Variants in GRIA4 observed in about 807,000 individuals in gnomAD.
GRIA4 encodes the protein glutamate receptor 4.
A neutral mutation model predicts 104.0 loss-of-function variants in GRIA4; 34 were observed. The ratio of observed to expected loss-of-function variants is 0.33; its 90% CI spans 0.25 to 0.44. The LOEUF (loss-of-function observed/expected upper bound fraction) is 0.44. Ranked by LOEUF, GRIA4 falls within the 20% of genes least tolerant of loss-of-function variation. The probability of loss-of-function intolerance (pLI) is 1.00; values close to 1 mark genes in which losing one functional copy is unlikely to be tolerated. For missense variants in GRIA4, 750 were observed against 1,096.5 expected, an observed-to-expected ratio of 0.68 and a Z score of 4.46; for synonymous variants, 386 against 381.9, an observed-to-expected ratio of 1.01 and a Z score of -0.13.
intron 3 of GRIA4, among the ~76,000 whole-genome samples, chr11:105,751,514 C>T (rs1408878863): frequency 6.6e-6 from 1 of 152,170 alleles, no homozygotes; most frequent in Non-Finnish European, 1.5e-5. Context: ...GCAAGACTTC[C>T]ATGTTGGTCA....
intron 3 of GRIA4, among the ~76,000 whole-genome samples, chr11:105,674,255 A>C (rs1952465506): frequency 6.6e-6 from 1 of 152,002 alleles, no homozygotes; most frequent in Admixed American, 6.6e-5. Flanking sequence ...TTTACCATGC[A>C]AGTAAATCAA....
chr11:105,978,907 T>C (rs891015876), intron 16 of GRIA4, among the ~76,000 whole-genome samples: 5 of 152,172 alleles, frequency 3.3e-5, no homozygotes, highest in Non-Finnish European at 7.4e-5. Flanking sequence ...ATATGGGAGG[T>C]TCCCCAGTCA....
intron 5 of GRIA4, among the ~76,000 whole-genome samples, chr11:105,883,636 A>G (rs1177857671): frequency 6.6e-6 from 1 of 152,070 alleles, no homozygotes; most frequent in Non-Finnish European, 1.5e-5. Flanking sequence ...ATAGTATTCC[A>G]TGGTGTATAT....
chr11:105,754,219 A>AG (rs779795400), intron 4 of GRIA4, among the ~76,000 whole-genome samples: 2 of 152,104 alleles, frequency 1.3e-5, no homozygotes, highest in Non-Finnish European at 2.9e-5. Flanking sequence ...TAGAAATTCC[A>AG]GGGGGTTTAG....
rs773898463 is a variant in GRIA4 at position 105,918,806 on chromosome 11, C to T, written c.1364C>T (p.Ala455Val). Reference sequence around the variant, plus strand: ...TGTGTAGATTTGGCATCTGAAATTGCAAAACATATTGGTATCAAGTATAAA... The same window carrying T: ...TGTGTAGATTTGGCATCTGAAATTGTAAAACATATTGGTATCAAGTATAAA... ...GYCVDLASEI[A>V]KHIGIKYKIA... is the part of the protein sequence containing the mutation. Residue 455 changes from alanine to valine, a missense_variant, in exon 11 of 17, where the codon GCA (alanine) becomes GTA (valine). Physicochemically the swap from Ala to Val is moderately conservative, Grantham distance 64. Transcript: ENST00000282499. 1 of 1,595,924 alleles carries T rather than the reference C, an allele frequency of 6.3e-7. No homozygotes were observed. The highest frequency in any genetic ancestry group is 8.6e-7 in the Non-Finnish European group (1 of 1,165,588).
rs1207851575 is a variant in GRIA4, at chr11:105,610,223, C to G, written c.-296C>G. 6.6e-6 allele frequency: 1 copy of G among 152,446 alleles called. No homozygotes were observed. The highest frequency in any genetic ancestry group is 1.9e-4 in the East Asian group (1 of 5,190). 9.4% of individuals were successfully genotyped at this position (152,446 alleles called of 1,614,324 possible). ...GGAGCCCCCGATTGGGGCTTGCAGA[C>G]CTGGCCCGTGGGCGGATTTTCTGCC... On this transcript the variant is annotated 5_prime_UTR_variant, in exon 1 of 17. Transcript: ENST00000282499.
chr11:105,811,737 AAATT>A (rs1457228128), intron 4 of GRIA4, among the ~76,000 whole-genome samples: 6 of 152,338 alleles, frequency 3.9e-5, no homozygotes, highest in African/African-American at 1.2e-4. Context: ...TCTGAAATTC[AAATT>A]CACCTGAGCA....
At chr11:105,942,580 A>C (rs895759024) in intron 14 of GRIA4, among the ~76,000 whole-genome samples, 26 of 152,164 alleles carry the variant, frequency 1.7e-4, no homozygotes, top group African/African-American at 6.3e-4. Flanking sequence ...CCTACAGCTA[A>C]GACTAGAAAT....
chr11:105,633,425 C>T (rs1277514218), intron 3 of GRIA4, among the ~76,000 whole-genome samples: 1 of 152,122 alleles, frequency 6.6e-6, no homozygotes, highest in African/African-American at 2.4e-5. Context: ...TTTATATCCC[C>T]TGAATATAGT....
At chr11:105,659,144 C>T (rs1174172913) in intron 3 of GRIA4, among the ~76,000 whole-genome samples, 1 of 152,010 alleles carries the variant, frequency 6.6e-6, no homozygotes, top group South Asian at 2.1e-4. Flanking sequence ...TGCTTCCTCA[C>T]CCATCATCCA....
At chr11:105,859,978 G>T (rs529223342) in intron 4 of GRIA4, among the ~76,000 whole-genome samples, 3 of 152,056 alleles carry the variant, frequency 2.0e-5, no homozygotes, top group African/African-American at 7.2e-5. Context: ...CATATGTGTC[G>T]AATGGGAAAC....
intron 4 of GRIA4, among the ~76,000 whole-genome samples, chr11:105,810,552 C>T (rs1003870380): frequency 6.6e-6 from 1 of 152,078 alleles, no homozygotes; most frequent in Non-Finnish European, 1.5e-5. Flanking sequence ...CTCAAGAAGG[C>T]TAAAAAGGGT....
At chr11:105,942,425 A>G (rs1384280757) in intron 14 of GRIA4, among the ~76,000 whole-genome samples, 1 of 152,106 alleles carries the variant, frequency 6.6e-6, no homozygotes, top group African/African-American at 2.4e-5. Context: ...AAGTGAAACA[A>G]TAATAGTACA....
chr11:105,629,922 A>T (rs766449170), intron 3 of GRIA4, among the ~76,000 whole-genome samples: 1 of 152,246 alleles, frequency 6.6e-6, no homozygotes. Flanking sequence ...ATAGCTCATT[A>T]AAAAAGCCAA....
At position 105,979,654 on chromosome 11, in the gene GRIA4, C is replaced by G. The variant is rs201725650; in HGVS notation, c.2624C>G (p.Thr875Arg). 3 of 1,613,504 alleles carry G rather than the reference C, an allele frequency of 1.9e-6. No individual in the cohort carries two copies. The highest frequency in any genetic ancestry group is 2.7e-5 in the African/African-American group (2 of 75,028). The change falls in exon 17 of 17, where the codon ACG (threonine) becomes AGG (arginine). Residue 875 changes from threonine (T) to arginine (R), a missense_variant. Around this residue, in one of 3 missense-constraint regions of GRIA4, gnomAD observed 68 missense variants for 69.3 expected, o/e 0.98. Transcript: ENST00000282499. ...GSVGENGRVLTPDCPKAVHTG... is the reference protein window; with the variant it reads ...GSVGENGRVLRPDCPKAVHTG... ...GTGGGAGAGAATGGCCGCGTCTTGA[C>G]GCCTGACTGCCCAAAGGCTGTACAC...
chr11:105,912,075 AT>A, intron 10 of GRIA4: 1 of 1,124,186 alleles, frequency 8.9e-7, no homozygotes, highest in Non-Finnish European at 1.1e-6. Flanking sequence ...CTTTTCTGAG[AT>A]ACTAGAACAA....
rs760343214 is a variant in GRIA4 at position 105,887,478 on chromosome 11, A to G, written c.673-41A>G. On this transcript the variant is annotated intron_variant, in intron 5 of 16. Transcript: ENST00000282499. ...ATAATTTTAAAATAATATTTCAGTG[A>G]ATTAAAATTGATTTTCTCTTATTTG... 18 of 800,076 alleles carry G rather than the reference A, an allele frequency of 2.2e-5. No individual in the cohort carries two copies. The South Asian group carries it at 3.0e-4, about 14-fold the overall frequency. The allele number at this position is 800,076 out of a possible 1,614,324, so 49.6% of individuals were successfully genotyped here.
At chr11:105,611,728 T>C (rs1193510229) in intron 2 of GRIA4, among the ~76,000 whole-genome samples, 1 of 152,182 alleles carries the variant, frequency 6.6e-6, no homozygotes, top group Non-Finnish European at 1.5e-5. Flanking sequence ...CTCTACTGTC[T>C]TTTAATGGGA....
chr11:105,921,119 G>A (rs1439942421), intron 11 of GRIA4, among the ~76,000 whole-genome samples: 3 of 152,082 alleles, frequency 2.0e-5, no homozygotes, highest in Non-Finnish European at 4.4e-5. Flanking sequence ...TGCTATAATT[G>A]TAATGAACAG....
Sources: gnomAD v4.1 joint callset for allele counts (sites outside exome capture counted in the v4.1 genomes callset) on GRCh38, gnomAD v4.1.1 for gene constraint, gnomAD v4.1.1 regional missense constraint, MANE v1.5 for transcripts, NCBI Gene and HGNC (gene_info 2026-07-23, HGNC 2026-07-21) for gene names.